CDK14: variants seen among roughly 807,000 people sequenced by gnomAD.
CDK14 encodes the protein cyclin dependent kinase 14, also known as cyclin-dependent kinase 14.
In CDK14, 34 loss-of-function variants were observed where a neutral mutation model predicts 60.7. The observed-to-expected ratio is 0.56, with a 90% confidence interval of 0.43 to 0.75. The LOEUF (loss-of-function observed/expected upper bound fraction) is 0.75. CDK14 is among the 30% of genes least tolerant of loss of function. The pLI is 0.00. For synonymous variants in CDK14, 197 were observed against 203.7 expected, an observed-to-expected ratio of 0.97 and a Z score of 0.28; for missense variants, 482 against 564.1, an observed-to-expected ratio of 0.85 and a Z score of 1.47.
intron 2 of CDK14, among the ~76,000 whole-genome samples, chr7:90,670,225 G>A (rs898367611): frequency 8.5e-5 from 13 of 152,076 alleles, no homozygotes; most frequent in African/African-American, 3.1e-4. Flanking sequence ...GTGTATTTTC[G>A]AATGAGTTTC....
chr7:90,903,127 C>T (rs1433318439), intron 7 of CDK14, among the ~76,000 whole-genome samples: 2 of 152,118 alleles, frequency 1.3e-5, no homozygotes, highest in Non-Finnish European at 2.9e-5. Flanking sequence ...AAGTCATACA[C>T]TGTGGGAATA....
At chr7:91,160,475 A>G (rs1199063961) in intron 14 of CDK14, among the ~76,000 whole-genome samples, 4 of 152,126 alleles carry the variant, frequency 2.6e-5, no homozygotes, top group Non-Finnish European at 2.9e-5. Flanking sequence ...TGGATAATAT[A>G]TGTATAAAGA....
intron 9 of CDK14, among the ~76,000 whole-genome samples, chr7:90,980,656 CTTG>C (rs1428762198): frequency 2.0e-5 from 3 of 152,082 alleles, no homozygotes; most frequent in East Asian, 1.9e-4. Context: ...CATTTTATCT[CTTG>C]TTGTGAGTCC....
chr7:90,901,508 G>A lies in CDK14; in HGVS notation c.702+2155G>A, dbSNP rs115435573. Among the ~76,000 whole-genome samples the A allele has an allele frequency of 5.3e-3, 812 of 151,938 alleles. 7 individuals are homozygous for A. The highest frequency in any genetic ancestry group is 0.018 in the African/African-American group (761 of 41,434). Reference sequence around the variant, plus strand: ...AGCAGCAAAATGTATTCATCTATGGGGATTCCTTTCCTCACAACTAGTGAA... The same window carrying A: ...AGCAGCAAAATGTATTCATCTATGGAGATTCCTTTCCTCACAACTAGTGAA... On this transcript the variant is annotated intron_variant, in intron 7 of 14. Transcript: ENST00000380050.
intron 10 of CDK14, among the ~76,000 whole-genome samples, chr7:90,993,971 A>G (rs983197572): frequency 6.6e-6 from 1 of 152,160 alleles, no homozygotes; most frequent in East Asian, 1.9e-4. Flanking sequence ...AATTTAACCT[A>G]ATGTATTGCT....
intron 8 of CDK14, among the ~76,000 whole-genome samples, chr7:90,928,617 G>T (rs12704581): frequency 0.15 from 23,378 of 152,156 alleles, 1,908 homozygotes; most frequent in Non-Finnish European, 0.18. Flanking sequence ...GCTGTATGAG[G>T]TGTCAGTTGG....
intron 10 of CDK14, among the ~76,000 whole-genome samples, chr7:91,008,810 T>G (rs1323172101): frequency 6.6e-6 from 1 of 152,218 alleles, no homozygotes; most frequent in Non-Finnish European, 1.5e-5. Flanking sequence ...ATGTTAAATT[T>G]TTACCTCTTT....
intron 5 of CDK14, among the ~76,000 whole-genome samples, chr7:90,852,676 C>T (rs7777741): frequency 0.97 from 147,828 of 152,312 alleles, 71,753 homozygotes; most frequent in East Asian, 1. Context: ...CGAGCATTAC[C>T]GGATACTGAC....
At chr7:91,121,624 G>C (rs918760415) in intron 14 of CDK14, among the ~76,000 whole-genome samples, 1 of 152,168 alleles carries the variant, frequency 6.6e-6, no homozygotes, top group African/African-American at 2.4e-5. Context: ...AGCAATTTTG[G>C]TTTCAGAGTC....
chr7:90,658,135 A>G (rs1255655465), intron 2 of CDK14, among the ~76,000 whole-genome samples: 7 of 152,176 alleles, frequency 4.6e-5, no homozygotes, highest in Non-Finnish European at 1.0e-4. Context: ...CCACTTACCT[A>G]CTGTCTGTCT....
chr7:91,049,043 A>T (rs1039869115), intron 11 of CDK14, among the ~76,000 whole-genome samples: 4 of 148,124 alleles, frequency 2.7e-5, no homozygotes, highest in Non-Finnish European at 6.0e-5. Context: ...ATGTCTGGCT[A>T]TTTTTTTTTT....
In CDK14 at chr7:90,733,652, G is replaced by T. The variant is rs112651304; in HGVS notation, c.369+6840G>T. Among the ~76,000 whole-genome samples the T allele has an allele frequency of 1.8e-3, 274 of 152,036 alleles. 1 individual carries two copies. Among genetic ancestry groups the T allele is most frequent in the African/African-American group, 6.3e-3 (261 of 41,478 alleles). On this transcript the variant is annotated intron_variant, in intron 3 of 14. Coordinates refer to ENST00000380050, the MANE Select transcript of CDK14 (RefSeq NM_001287135.2). ...GCAACCCTTGCTTTTGTTGCTTTCC[G>T]TTTGGTTGGTAAATATTCCTCCATC...
chr7:91,023,004 T>C (rs1796473417), intron 10 of CDK14, among the ~76,000 whole-genome samples: 1 of 98,920 alleles, frequency 1.0e-5, no homozygotes, highest in East Asian at 3.0e-4. Flanking sequence ...TTCAAGCCTT[T>C]GAAGTATATA....
intron 6 of CDK14, among the ~76,000 whole-genome samples, chr7:90,863,822 G>A (rs992946997): frequency 6.6e-6 from 1 of 151,992 alleles, no homozygotes; most frequent in South Asian, 2.1e-4. Context: ...ATCTTCTTAT[G>A]TGAGAGTATT....
intron 11 of CDK14, among the ~76,000 whole-genome samples, chr7:91,059,437 C>G (rs1797706351): frequency 6.6e-6 from 1 of 151,918 alleles, no homozygotes; most frequent in African/African-American, 2.4e-5. Flanking sequence ...TATTTCTTGC[C>G]TTCTGCTAGC....
intron 2 of CDK14, among the ~76,000 whole-genome samples, chr7:90,696,223 T>G (rs1801652621): frequency 6.6e-6 from 1 of 152,036 alleles, no homozygotes; most frequent in South Asian, 2.1e-4. Context: ...ACTAGAGAAA[T>G]TTGAGTGATG....
At position 91,209,393 on chromosome 7, in the gene CDK14, GTCTC is replaced by G. The variant is rs71733271; in HGVS notation, c.*2267_*2270del. ...CCATACAGGAAATCCAAAGTTTGGTGTCTCTCTCTCTCTGTCTCTTTCTTTCTCT... is the reference window on the plus strand; with the variant it reads ...CCATACAGGAAATCCAAAGTTTGGTGTCTCTCTCTGTCTCTTTCTTTCTCT... On this transcript the variant is annotated 3_prime_UTR_variant, in exon 15 of 15. Coordinates refer to ENST00000380050, the MANE Select transcript of CDK14 (RefSeq NM_001287135.2). The G allele has an allele frequency of 2.7e-5, 4 of 149,278 alleles. No homozygotes were observed. Among genetic ancestry groups the G allele is most frequent in the African/African-American group, 9.9e-5 (4 of 40,518 alleles). 9.2% of individuals were successfully genotyped at this position (149,278 alleles called of 1,614,324 possible).
intron 12 of CDK14, among the ~76,000 whole-genome samples, chr7:91,085,299 G>C (rs1006760529): frequency 3.3e-5 from 5 of 152,164 alleles, no homozygotes; most frequent in East Asian, 1.9e-4. Context: ...CAGTTCCTTG[G>C]GGGGTATGGC....
Position 90,971,653 on chromosome 7 carries a change from T to TAAA in CDK14, c.948-12479_948-12477dup, listed in dbSNP as rs35135401. ...CAACTTGATGACTGCATATACATAGTAAAAAAAAAAAAAAAAAAGGCAAAA... is the reference window on the plus strand; with the variant it reads ...CAACTTGATGACTGCATATACATAGTAAAAAAAAAAAAAAAAAAAAAGGCAAAA... On this transcript the variant is annotated intron_variant, in intron 9 of 14. Coordinates refer to ENST00000380050, the MANE Select transcript of CDK14 (RefSeq NM_001287135.2). 7.6e-3 allele frequency among the ~76,000 whole-genome samples: 903 copies of TAAA among 119,484 alleles called. 8 individuals carry two copies. Among genetic ancestry groups the TAAA allele is most frequent in the African/African-American group, 0.024 (745 of 30,844 alleles). 78.4% of individuals were successfully genotyped at this position (119,484 alleles called of 152,430 possible).
Sources: allele counts gnomAD v4.1 joint callset (sites outside exome capture counted in the v4.1 genomes callset), GRCh38; gene constraint gnomAD v4.1.1; transcripts MANE v1.5; gene names NCBI Gene and HGNC (gene_info 2026-07-23, HGNC 2026-07-21).